KPNA4: variants seen among roughly 807,000 people sequenced by gnomAD.
KPNA4 encodes karyopherin subunit alpha 4, also known as importin subunit alpha-3.
Under a neutral mutation model 71.3 loss-of-function variants are expected in KPNA4, and 13 were observed. That is an observed-to-expected ratio of 0.18 (90% CI 0.12 to 0.29). The LOEUF is 0.29. Among genes scored for constraint, KPNA4 ranks in the 10% least tolerant of loss-of-function variants. The pLI is 1.00. For synonymous variants in KPNA4, 189 were observed against 195.2 expected (o/e 0.97, Z 0.26); for missense variants, 334 against 603.2 (o/e 0.55, Z 4.67).
Position 160,508,240 on chromosome 3 carries a change from G to A in KPNA4, c.1239C>T (p.Ile413=). 6.2e-7 allele frequency: 1 copy of A among 1,609,304 alleles called. No homozygotes were observed. Among genetic ancestry groups the A allele is most frequent in the East Asian group, 2.2e-5 (1 of 44,552 alleles). ...CAGTCAGCAAGTTGCAAAAAGGTGG[G>A]ATAACATTTTGTTGGATAAGGTAAG... is the stretch of plus-strand genomic sequence containing the variant. The part of the protein sequence containing the change: ...QVAYLIQQNV[I]PPFCNLLTVK... Residue 413 remains isoleucine, a synonymous_variant, in exon 15 of 17, where the codon ATC becomes ATT. Coordinates refer to ENST00000334256, the MANE Select transcript of KPNA4 (RefSeq NM_002268.5).
At chr3:160,554,429 C>T (rs954767477) in intron 1 of KPNA4, among the ~76,000 whole-genome samples, 2 of 152,310 alleles carry the variant, frequency 1.3e-5, no homozygotes, top group Non-Finnish European at 1.5e-5. Context: ...ATGGACTTGC[C>T]TATCCTGGAC....
At chr3:160,548,491 C>A (rs115840995) in intron 1 of KPNA4, among the ~76,000 whole-genome samples, 8 of 152,078 alleles carry the variant, frequency 5.3e-5, no homozygotes, top group Non-Finnish European at 1.2e-4. Context: ...AACCATTATT[C>A]CTTTTCCTGT....
At chr3:160,564,610 C>T (rs1722302545) in intron 1 of KPNA4, 1 of 151,970 alleles carries the variant, frequency 6.6e-6, no homozygotes, top group South Asian at 2.1e-4. Flanking sequence ...CCTCTCACGC[C>T]GGGGGTGTTT....
intron 7 of KPNA4, among the ~76,000 whole-genome samples, chr3:160,530,499 C>A (rs1045205421): frequency 5.3e-5 from 8 of 150,590 alleles, no homozygotes; most frequent in East Asian, 2.0e-4. Context: ...ACAACAACAA[C>A]AAAAAAACAA....
chr3:160,528,950 T>C (rs1445520616), intron 7 of KPNA4, among the ~76,000 whole-genome samples: 1 of 152,192 alleles, frequency 6.6e-6, no homozygotes, highest in Non-Finnish European at 1.5e-5. Flanking sequence ...GTTTTTGAGA[T>C]AGTGCCTTAC....
At chr3:160,530,749 C>G in intron 7 of KPNA4, 106 bp downstream of exon 7, 1 of 715,942 alleles carries the variant, frequency 1.4e-6, no homozygotes, top group Non-Finnish European at 2.4e-6. Context: ...TACGTAGTAG[C>G]TATTATTTTA....
intron 1 of KPNA4, among the ~76,000 whole-genome samples, chr3:160,554,066 A>G (rs182615649): frequency 1.3e-5 from 2 of 152,356 alleles, no homozygotes; most frequent in East Asian, 3.9e-4. Flanking sequence ...AATGAATTCA[A>G]TACAGGGAAG....
intron 13 of KPNA4, among the ~76,000 whole-genome samples, chr3:160,513,032 A>T (rs1329533299): frequency 2.0e-5 from 3 of 152,160 alleles, no homozygotes; most frequent in Non-Finnish European, 4.4e-5. Flanking sequence ...AATAGGCTGT[A>T]ACACCTCAGA....
intron 11 of KPNA4, 33 bp downstream of exon 11, chr3:160,521,746 A>G: frequency 6.2e-7 from 1 of 1,600,506 alleles, no homozygotes; most frequent in African/African-American, 1.3e-5. Flanking sequence ...TAGTGGTAAG[A>G]AATACTTATA....
chr3:160,515,436 A>G lies in KPNA4; in HGVS notation c.1032+16T>C. 6.3e-7 allele frequency: 1 copy of G among 1,597,938 alleles called. No homozygotes were observed. The highest frequency in any genetic ancestry group is 1.3e-5 in the African/African-American group (1 of 74,264). On this transcript the variant is annotated intron_variant, in intron 12 of 16. Coordinates refer to ENST00000334256, the MANE Select transcript of KPNA4 (RefSeq NM_002268.5). The stretch of plus-strand genomic sequence containing the variant: ...TTTTAAGTGCTATCTATTAAGTAGT[A>G]TTTAATAGTACTTACTTTATTAATT...
rs190357083 is a variant in KPNA4 at position 160,497,996 on chromosome 3, T to G, written c.*4108A>C. 6 of 152,344 alleles carry G rather than the reference T, an allele frequency of 3.9e-5. No homozygotes were observed. The highest frequency in any genetic ancestry group is 1.4e-4 in the African/African-American group (6 of 41,574). The allele number at this position is 152,344 out of a possible 1,614,324, so 9.4% of individuals were successfully genotyped here. A position where few individuals can be genotyped will look rare whatever the true frequency, so the allele number is the denominator to read the frequency against. On this transcript the variant is annotated 3_prime_UTR_variant, in exon 17 of 17. Transcript: ENST00000334256. ...CCAAAAAGCTACATTCACATTTTTTTGCATTGGTTCACAAATTTAAATGAA... is the reference window on the plus strand; with the variant it reads ...CCAAAAAGCTACATTCACATTTTTTGGCATTGGTTCACAAATTTAAATGAA...
chr3:160,564,911 C>T (rs976834032), intron 1 of KPNA4, among the ~76,000 whole-genome samples: 2 of 146,914 alleles, frequency 1.4e-5, no homozygotes, highest in Non-Finnish European at 3.0e-5. Context: ...CTCCTCCGCA[C>T]GCGCCGCGCC....
At chr3:160,530,708 T>C (rs1171518466) in intron 7 of KPNA4, 147 bp downstream of exon 7, 2 of 565,568 alleles carry the variant, frequency 3.5e-6, no homozygotes, top group African/African-American at 2.0e-5. Context: ...AAGATTAAAG[T>C]AACATACTTA....
chr3:160,535,817 A>T lies in KPNA4; in HGVS notation c.195T>A (p.Asp65Glu). ...DICEDSDIDGDYRVQNTSLEA... is the reference protein window; with the variant it reads ...DICEDSDIDGEYRVQNTSLEA... The stretch of plus-strand genomic sequence containing the variant: ...AATAACAATGACTTACCACTCTATA[A>T]TCACCATCTATATCAGAGTCTTCAC... Residue 65 changes from aspartate (D) to glutamate (E), a missense_variant, in exon 3 of 17, where the codon GAT becomes GAA. Transcript: ENST00000334256. 1 of 1,536,344 alleles carries T rather than the reference A, an allele frequency of 6.5e-7. No individual in the cohort carries two copies. Among genetic ancestry groups the T allele is most frequent in the Non-Finnish European group, 8.7e-7 (1 of 1,152,722 alleles).
intron 1 of KPNA4, among the ~76,000 whole-genome samples, chr3:160,564,959 C>T (rs1468386422): frequency 5.4e-5 from 8 of 147,198 alleles, no homozygotes; most frequent in Admixed American, 4.0e-4. Flanking sequence ...CTCGCACCCG[C>T]GCCGGGCCGG....
rs377157178 is a variant in KPNA4 at position 160,565,552 on chromosome 3, G to A, written c.-270C>T. 2.4e-5 allele frequency: 13 copies of A among 531,146 alleles called. No individual in the cohort carries two copies. The highest frequency in any genetic ancestry group is 3.6e-5 in the Non-Finnish European group (11 of 303,536). 32.9% of individuals were successfully genotyped at this position (531,146 alleles called of 1,614,324 possible). ...CGACGGAATGTGCTGCCGGCTGAGAGGGGGAGGCAGCCTCGATCTGAGGGC... is the reference window on the plus strand; with the variant it reads ...CGACGGAATGTGCTGCCGGCTGAGAAGGGGAGGCAGCCTCGATCTGAGGGC... On this transcript the variant is annotated 5_prime_UTR_variant, in exon 1 of 17. Coordinates refer to ENST00000334256, the MANE Select transcript of KPNA4 (RefSeq NM_002268.5).
intron 15 of KPNA4, among the ~76,000 whole-genome samples, chr3:160,506,116 T>C (rs948506967): frequency 6.6e-6 from 1 of 152,100 alleles, no homozygotes; most frequent in African/African-American, 2.4e-5. Context: ...ATCTCCCCTT[T>C]GTCTCTATTA....
In KPNA4 at chr3:160,535,706, A is replaced by C. The variant is rs751085912; in HGVS notation, c.205-16T>G. On this transcript the variant is annotated splice_polypyrimidine_tract_variant and intron_variant, in intron 3 of 16. Transcript: ENST00000334256. ...AGGTATTTTGCTGGGAAAAAAGTTA[A>C]AGAGAAAACTCAGTTAAAAAGTCAC... 7.0e-6 allele frequency: 11 copies of C among 1,573,490 alleles called. No homozygotes were observed. Among genetic ancestry groups the C allele is most frequent in the Middle Eastern group, 3.4e-4 (2 of 5,942 alleles).
intron 1 of KPNA4, among the ~76,000 whole-genome samples, chr3:160,561,056 C>T (rs1366214515): frequency 1.3e-5 from 2 of 151,408 alleles, no homozygotes; most frequent in Non-Finnish European, 3.0e-5. Context: ...CAACCAAGCA[C>T]CTTTTTTTAA....
Sources: gnomAD v4.1 joint callset for allele counts (sites outside exome capture counted in the v4.1 genomes callset) on GRCh38, gnomAD v4.1.1 for gene constraint, MANE v1.5 for transcripts, NCBI Gene and HGNC (gene_info 2026-07-23, HGNC 2026-07-21) for gene names.